USP32: variants seen among roughly 807,000 people sequenced by gnomAD.
USP32 encodes the protein ubiquitin specific peptidase 32.
A neutral mutation model predicts 204.8 loss-of-function variants in USP32; 59 were observed. The ratio of observed to expected loss-of-function variants is 0.29; its 90% CI spans 0.23 to 0.36. The LOEUF is 0.36. Ranked by LOEUF, USP32 falls within the 10% of genes least tolerant of loss-of-function variation. USP32 has a pLI of 1.00. For synonymous variants in USP32, 517 were observed against 678.4 expected, an observed-to-expected ratio of 0.76 and a Z score of 3.70; for missense variants, 1,160 against 1,946.4, an observed-to-expected ratio of 0.60 and a Z score of 7.60.
At chr17:60,287,487 C>T (rs2087146005) in intron 5 of USP32, among the ~76,000 whole-genome samples, 1 of 152,156 alleles carries the variant, frequency 6.6e-6, no homozygotes, top group Non-Finnish European at 1.5e-5. Context: ...GAGCATTTAC[C>T]TGGTCCTCTT....
intron 11 of USP32, among the ~76,000 whole-genome samples, chr17:60,248,405 T>C (rs1487534857): frequency 6.6e-6 from 1 of 152,226 alleles, no homozygotes; most frequent in Non-Finnish European, 1.5e-5. Context: ...TTAATAATTT[T>C]CGAGAAATTT....
intron 5 of USP32, among the ~76,000 whole-genome samples, chr17:60,282,927 T>C (rs926425547): frequency 1.3e-5 from 2 of 152,222 alleles, no homozygotes; most frequent in East Asian, 1.9e-4. Context: ...GAATAGGACC[T>C]GAGCCATATT....
chr17:60,327,765 C>T (rs1477894637), intron 2 of USP32, among the ~76,000 whole-genome samples: 1 of 152,228 alleles, frequency 6.6e-6, no homozygotes, highest in Non-Finnish European at 1.5e-5. Context: ...AATGTCTGCT[C>T]CTGCTGCCTG....
intron 18 of USP32, among the ~76,000 whole-genome samples, chr17:60,213,242 G>C (rs908452461): frequency 3.9e-5 from 6 of 152,148 alleles, no homozygotes; most frequent in Non-Finnish European, 7.4e-5. Flanking sequence ...CAAGAAAGTT[G>C]TTCTTTTTAC....
chr17:60,349,654 C>T (rs1313994209), intron 1 of USP32, among the ~76,000 whole-genome samples: 27 of 73,990 alleles, frequency 3.6e-4, no homozygotes, highest in South Asian at 2.7e-3. Flanking sequence ...TATATATATA[C>T]ATATATATAC....
chr17:60,301,683 C>T lies in USP32; in HGVS notation c.208G>A (p.Gly70Arg). 1 of 1,599,534 alleles carries T rather than the reference C, an allele frequency of 6.3e-7. No individual in the cohort carries two copies. Among genetic ancestry groups the T allele is most frequent in the South Asian group, 1.1e-5 (1 of 87,768 alleles). The change falls in exon 3 of 34, where the codon GGA (glycine) becomes AGA (arginine). Residue 70 changes from glycine (G) to arginine (R), a missense_variant. By Grantham distance (125) the Gly-to-Arg change is moderately radical. Transcript: ENST00000300896. ...VAEVIYCSFG[G>R]TSKGLHFNNL... is the part of the protein sequence containing the mutation. ...TTGAAGTGCAGCCCTTTGGATGTTCCACCAAAAGAACAGTAAATCACCTGG... is the reference window on the plus strand; with the variant it reads ...TTGAAGTGCAGCCCTTTGGATGTTCTACCAAAAGAACAGTAAATCACCTGG...
chr17:60,256,437 T>C (rs757844115), intron 9 of USP32, among the ~76,000 whole-genome samples: 47 of 152,194 alleles, frequency 3.1e-4, no homozygotes, highest in Non-Finnish European at 6.3e-4. Flanking sequence ...GTTTTTGTTT[T>C]TTTTCCACCC....
intron 4 of USP32, among the ~76,000 whole-genome samples, chr17:60,292,976 C>T (rs981219202): frequency 6.6e-6 from 1 of 152,116 alleles, no homozygotes; most frequent in African/African-American, 2.4e-5. Flanking sequence ...CAAGTACACC[C>T]CCACCTCAAG....
intron 1 of USP32, among the ~76,000 whole-genome samples, chr17:60,398,259 A>C (rs889843663): frequency 1.3e-5 from 2 of 152,146 alleles, no homozygotes; most frequent in Non-Finnish European, 2.9e-5. Context: ...AGCTAGGCAC[A>C]GTGGTGTACC....
chr17:60,312,987 T>G (rs569453871), intron 2 of USP32, among the ~76,000 whole-genome samples: 1 of 152,246 alleles, frequency 6.6e-6, no homozygotes, highest in African/African-American at 2.4e-5. Flanking sequence ...CTCATGCCTG[T>G]AATCCCAGAT....
intron 30 of USP32, among the ~76,000 whole-genome samples, chr17:60,183,946 T>C (rs1399056523): frequency 6.6e-6 from 1 of 152,168 alleles, no homozygotes. Flanking sequence ...ATATTAAAAA[T>C]CTATGCTTTT....
intron 1 of USP32, among the ~76,000 whole-genome samples, chr17:60,404,586 A>G (rs1012689344): frequency 6.6e-6 from 1 of 152,140 alleles, no homozygotes; most frequent in Non-Finnish European, 1.5e-5. Context: ...CAACTTTTCA[A>G]TTATCTTTGT....
At chr17:60,261,384 C>T (rs1446694829) in intron 9 of USP32, among the ~76,000 whole-genome samples, 2 of 152,146 alleles carry the variant, frequency 1.3e-5, no homozygotes, top group Non-Finnish European at 2.9e-5. Flanking sequence ...CGGTGGCTCA[C>T]ACTTGTAATC....
At chr17:60,359,582 G>A (rs374972949) in intron 1 of USP32, among the ~76,000 whole-genome samples, 4 of 152,096 alleles carry the variant, frequency 2.6e-5, no homozygotes. Context: ...AGGCTGAGAT[G>A]AGAGGATCAC....
rs1421665625 is a variant in USP32, at chr17:60,249,783, GT to G, written c.1136+2597del. 1.0e-5 allele frequency: 7 copies of G among 699,618 alleles called. 1 individual carries two copies. Among genetic ancestry groups the G allele is most frequent in the African/African-American group, 3.5e-5 (2 of 56,990 alleles). 43.3% of individuals were successfully genotyped at this position (699,618 alleles called of 1,614,324 possible). ...AATGGTTGTTTGACAATTTTGTTCA[GT>G]TTTTTAAGTGCTTTTGGGGAAAGGG... On this transcript the variant is annotated intron_variant, in intron 11 of 33. Transcript: ENST00000300896.
intron 2 of USP32, among the ~76,000 whole-genome samples, chr17:60,332,893 A>C (rs1412596816): frequency 5.9e-5 from 9 of 152,166 alleles, no homozygotes; most frequent in Admixed American, 5.9e-4. Flanking sequence ...TTTATCACTG[A>C]ATCATCTAAT....
intron 7 of USP32, 46 bp downstream of exon 7, chr17:60,269,402 TTC>T: frequency 7.2e-7 from 1 of 1,388,630 alleles, no homozygotes; most frequent in Non-Finnish European, 1.0e-6. Context: ...AAAACTGATT[TTC>T]TCTCTACATA....
upstream of USP32, chr17:60,392,180 C>T (rs2089852538): frequency 5.5e-6 from 3 of 542,502 alleles, no homozygotes; most frequent in Non-Finnish European, 9.8e-6. Flanking sequence ...CTCCGCCCTT[C>T]TCTCTCCTCT....
chr17:60,235,035 A>G (rs2085684966), intron 12 of USP32, among the ~76,000 whole-genome samples: 1 of 152,144 alleles, frequency 6.6e-6, no homozygotes, highest in Admixed American at 6.5e-5. Flanking sequence ...AGGCAACAAT[A>G]AACCAGGTTC....
Sources: allele counts gnomAD v4.1 joint callset (sites outside exome capture counted in the v4.1 genomes callset), GRCh38; gene constraint gnomAD v4.1.1; transcripts MANE v1.5; gene names NCBI Gene and HGNC (gene_info 2026-07-23, HGNC 2026-07-21).